Variants in TMEM272 observed in about 807,000 individuals in gnomAD.
TMEM272 encodes the protein long intergenic non-protein coding RNA 282.
TMEM272 carries 8 observed loss-of-function variants against 3.7 expected under a neutral mutation model. The ratio of observed to expected loss-of-function variants is 2.17; its 90% CI spans 1.27 to 3.91. The LOEUF is 3.91. Ranked by LOEUF, TMEM272 falls within the 30% of genes most tolerant of loss-of-function variation. The pLI is 0.00. For synonymous variants in TMEM272, 63 were observed against 39.8 expected, an observed-to-expected ratio of 1.58 and a Z score of -2.20; for missense variants, 166 against 91.5, an observed-to-expected ratio of 1.81 and a Z score of -3.32.
At chr13:51,913,131 C>A in the TMEM272 span, among the ~76,000 whole-genome samples, 1 of 152,300 alleles carries the variant, frequency 6.6e-6, no homozygotes, top group African/African-American at 2.4e-5. Flanking sequence ...CTAAAGCTAA[C>A]GCTTCGTGTG....
chr13:51,820,914 G>A (rs1404686617), intron 4 of TMEM272, among the ~76,000 whole-genome samples: 1 of 152,194 alleles, frequency 6.6e-6, no homozygotes, highest in Non-Finnish European at 1.5e-5. Context: ...GTTAGGAGAT[G>A]GGGACATTTA....
chr13:51,847,317 A>G (rs570089947), upstream of TMEM272, among the ~76,000 whole-genome samples: 192 of 152,318 alleles, frequency 1.3e-3, no homozygotes, highest in African/African-American at 4.4e-3. Context: ...CAGCAACGGC[A>G]TTTGATTCTC....
At chr13:51,934,088 G>T in the TMEM272 span, 1 of 154,040 alleles carries the variant, frequency 6.5e-6, no homozygotes. Context: ...CCAGGAAGCA[G>T]GTTCAAGCTG....
the TMEM272 span, among the ~76,000 whole-genome samples, chr13:51,871,789 C>T: frequency 2.4e-4 from 1 of 4,198 alleles, no homozygotes; most frequent in African/African-American, 4.7e-4. Context: ...TCCCCCTACA[C>T]ACACACACAC....
At chr13:51,925,374 G>A in the TMEM272 span, among the ~76,000 whole-genome samples, 81 of 152,268 alleles carry the variant, frequency 5.3e-4, no homozygotes, top group Non-Finnish European at 1.5e-4. Flanking sequence ...TACTGCCGGT[G>A]AGCACTTTCC....
At chr13:51,862,687 T>C in the TMEM272 span, among the ~76,000 whole-genome samples, 1 of 152,110 alleles carries the variant, frequency 6.6e-6, no homozygotes, top group Non-Finnish European at 1.5e-5. Flanking sequence ...AGGAGGTATC[T>C]GAGTGCTGAA....
the TMEM272 span, among the ~76,000 whole-genome samples, chr13:51,889,698 A>C: frequency 2.0e-5 from 3 of 152,030 alleles, no homozygotes; most frequent in African/African-American, 7.2e-5. Flanking sequence ...CTAAAGTGCA[A>C]TGGTGCGATC....
At chr13:51,925,966 ATGTG>A in the TMEM272 span, among the ~76,000 whole-genome samples, 3 of 151,922 alleles carry the variant, frequency 2.0e-5, no homozygotes, top group Non-Finnish European at 4.4e-5. Context: ...TGCATGAGGT[ATGTG>A]TGTTGTGCAT....
At chr13:51,818,919 G>A (rs1228642684) in intron 4 of TMEM272, among the ~76,000 whole-genome samples, 1 of 152,166 alleles carries the variant, frequency 6.6e-6, no homozygotes, top group Non-Finnish European at 1.5e-5. Flanking sequence ...GATCCACAGT[G>A]AGTAAGAGAA....
the TMEM272 span, among the ~76,000 whole-genome samples, chr13:51,877,345 T>C: frequency 6.6e-6 from 1 of 152,238 alleles, no homozygotes; most frequent in African/African-American, 2.4e-5. Flanking sequence ...GGGCAGAGGT[T>C]CTGCCTTGTC....
the TMEM272 span, among the ~76,000 whole-genome samples, chr13:51,883,163 T>C: frequency 2.0e-3 from 302 of 152,322 alleles, no homozygotes; most frequent in African/African-American, 6.9e-3. Context: ...TGTTGGAGCA[T>C]TTGTAGTTCA....
chr13:51,916,959 A>C, the TMEM272 span, among the ~76,000 whole-genome samples: 10 of 152,274 alleles, frequency 6.6e-5, no homozygotes, highest in African/African-American at 2.4e-4. Context: ...ATCCAAACTC[A>C]GGTCTGTCTC....
the TMEM272 span, among the ~76,000 whole-genome samples, chr13:51,908,040 A>G: frequency 6.6e-6 from 1 of 152,218 alleles, no homozygotes; most frequent in Non-Finnish European, 1.5e-5. Context: ...AAATGGAAAT[A>G]ATTTACTCAT....
the TMEM272 span, among the ~76,000 whole-genome samples, chr13:51,925,188 C>T: frequency 6.6e-6 from 1 of 152,210 alleles, no homozygotes; most frequent in African/African-American, 2.4e-5. Context: ...TTCGTCTAGG[C>T]ACCCCCTAGC....
intron 3 of TMEM272, 54 bp from the exon 4 acceptor site, chr13:51,822,191 C>A (rs1365654261): frequency 4.6e-6 from 3 of 646,686 alleles, no homozygotes; most frequent in Non-Finnish European, 5.5e-6. Flanking sequence ...GAGCACAAAG[C>A]CCAGTTTTGA....
the TMEM272 span, among the ~76,000 whole-genome samples, chr13:51,864,384 A>C: frequency 1.3e-5 from 2 of 152,134 alleles, no homozygotes; most frequent in African/African-American, 4.8e-5. Flanking sequence ...TATTACTCTG[A>C]CTTTGGGACT....
At chr13:51,892,331 CATT>C in the TMEM272 span, among the ~76,000 whole-genome samples, 1 of 152,200 alleles carries the variant, frequency 6.6e-6, no homozygotes, top group Non-Finnish European at 1.5e-5. Context: ...TTTTCATCAT[CATT>C]GTCATCTCAT....
At chr13:51,863,480 G>A in the TMEM272 span, among the ~76,000 whole-genome samples, 2 of 152,096 alleles carry the variant, frequency 1.3e-5, no homozygotes, top group Non-Finnish European at 2.9e-5. Context: ...ATGGAACAGG[G>A]GCATGGTTTC....
chr13:51,868,204 G>C, the TMEM272 span, among the ~76,000 whole-genome samples: 3,920 of 152,240 alleles, frequency 0.026, 83 homozygotes, highest in Admixed American at 0.072. Context: ...GCTATGTTTG[G>C]GAACGAGCTA....
Sources: gnomAD v4.1 joint callset for allele counts (sites outside exome capture counted in the v4.1 genomes callset) on GRCh38, gnomAD v4.1.1 for gene constraint, MANE v1.5 for transcripts, NCBI Gene and HGNC (gene_info 2026-07-23, HGNC 2026-07-21) for gene names.